The following ANK3 variants were observed in gnomAD, a reference collection of about 807,000 sequenced individuals.
ANK3 encodes ankyrin-3.
In ANK3, 57 loss-of-function variants were observed where a neutral mutation model predicts 370.9. That is an observed-to-expected ratio of 0.15 (90% CI 0.12 to 0.19). The LOEUF (loss-of-function observed/expected upper bound fraction) is 0.19. Among genes scored for constraint, ANK3 ranks in the 10% least tolerant of loss-of-function variants. The pLI, the probability that ANK3 is intolerant of heterozygous loss-of-function variation, is 1.00. For missense variants in ANK3, 4,439 were observed against 5,302.1 expected (o/e 0.84, Z 5.06); for synonymous variants, 1,929 against 1,946.3 (o/e 0.99, Z 0.23).
At chr10:60,164,213 G>A (rs951848614) in intron 23 of ANK3, among the ~76,000 whole-genome samples, 1 of 152,158 alleles carries the variant, frequency 6.6e-6, no homozygotes, top group Non-Finnish European at 1.5e-5. Context: ...TGGCTTACTA[G>A]AGCTCTTGTA....
intron 1 of ANK3, among the ~76,000 whole-genome samples, chr10:60,317,699 C>A (rs1221497701): frequency 6.7e-6 from 1 of 149,048 alleles, no homozygotes; most frequent in African/African-American, 2.5e-5. Context: ...CAAACATCAA[C>A]TCATGAGATA....
At chr10:60,431,868 C>G (rs2132979975) in intron 2 of ANK3, among the ~76,000 whole-genome samples, 1 of 152,314 alleles carries the variant, frequency 6.6e-6, no homozygotes, top group East Asian at 1.9e-4. Context: ...TACATCTAAA[C>G]AATTCTTCGT....
intron 35 of ANK3, 185 bp downstream of exon 35, chr10:60,081,965 G>A: frequency 2.3e-6 from 1 of 432,472 alleles, no homozygotes; most frequent in Non-Finnish European, 4.1e-6. Context: ...ATATATTTAA[G>A]TACTCTTAAG....
intron 2 of ANK3, among the ~76,000 whole-genome samples, chr10:60,585,250 C>T (rs1034809327): frequency 1.3e-5 from 2 of 152,128 alleles, no homozygotes; most frequent in African/African-American, 4.8e-5. Flanking sequence ...GTAAACCTGG[C>T]CTGCAGTAAC....
chr10:60,303,583 A>T (rs2044298128), intron 1 of ANK3, among the ~76,000 whole-genome samples: 1 of 152,280 alleles, frequency 6.6e-6, no homozygotes, highest in East Asian at 1.9e-4. Flanking sequence ...AAAAAACAAC[A>T]GATAATAAGT....
At chr10:60,326,823 C>A (rs992657977) in intron 1 of ANK3, among the ~76,000 whole-genome samples, 1 of 152,242 alleles carries the variant, frequency 6.6e-6, no homozygotes, top group East Asian at 1.9e-4. Flanking sequence ...CTATCGAGAC[C>A]ATCCTGGCTA....
chr10:60,576,961 A>C (rs2077689988), intron 2 of ANK3, among the ~76,000 whole-genome samples: 1 of 152,226 alleles, frequency 6.6e-6, no homozygotes, highest in Non-Finnish European at 1.5e-5. Context: ...GTTAGCAGTG[A>C]AATTTGAGAT....
In ANK3 at chr10:60,069,813, CGCTGGTCGGGAT is replaced by C. The variant is rs2082365189; in HGVS notation, c.11056_11067del (p.Ile3686_Ser3689del). ...CTGGATGTGCCTTCCTGACACTCTC[CGCTGGTCGGGAT>C]GCTGGGGTTAGGTTCCACTGTAGGT... On this transcript the variant is annotated inframe_deletion, in exon 37 of 44. Transcript: ENST00000280772. 6.2e-7 allele frequency: 1 copy of C among 1,614,108 alleles called. No homozygotes were observed. The highest frequency in any genetic ancestry group is 8.5e-7 in the Non-Finnish European group (1 of 1,180,028).
In ANK3 at chr10:60,495,702, G is replaced by A. The variant is rs1002882739; in HGVS notation, c.96+119484C>T. On this transcript the variant is annotated intron_variant, in intron 2 of 43. Coordinates refer to the ANK3 transcript ENST00000373827. The stretch of plus-strand genomic sequence containing the variant: ...AGACAGAAATTTCTGTGATCCTACT[G>A]CACATTCTAGCATATAGGGTAGAGG... Among the ~76,000 whole-genome samples, 4 of 152,204 alleles carry A rather than the reference G, an allele frequency of 2.6e-5. No individual in the cohort carries two copies. The East Asian group carries it at 5.8e-4, about 22-fold the overall frequency.
chr10:60,506,665 G>C (rs1240945657), intron 2 of ANK3, among the ~76,000 whole-genome samples: 1 of 152,082 alleles, frequency 6.6e-6, no homozygotes, highest in African/African-American at 2.4e-5. Flanking sequence ...TTTGAAACTA[G>C]TAGTATGATG....
chr10:60,709,632 C>A (rs1467198452), intron 1 of ANK3, among the ~76,000 whole-genome samples: 2 of 151,928 alleles, frequency 1.3e-5, no homozygotes, highest in African/African-American at 4.8e-5. Flanking sequence ...TGAGACCAGC[C>A]TGGGCAACAT....
At chr10:60,138,174 G>A (rs554098332) in intron 24 of ANK3, among the ~76,000 whole-genome samples, 182 of 152,294 alleles carry the variant, frequency 1.2e-3, no homozygotes, top group African/African-American at 3.8e-3. Context: ...ATTAGACAAT[G>A]AAACTTTCTA....
chr10:60,362,521 A>G (rs2058763416), intron 1 of ANK3, among the ~76,000 whole-genome samples: 2 of 152,208 alleles, frequency 1.3e-5, no homozygotes, highest in South Asian at 2.1e-4. Flanking sequence ...AAATGAGAAT[A>G]CTTCTATCGC....
intron 1 of ANK3, among the ~76,000 whole-genome samples, chr10:60,650,966 C>T (rs1002238872): frequency 1.3e-5 from 2 of 152,082 alleles, no homozygotes; most frequent in Non-Finnish European, 2.9e-5. Context: ...TGTGGTGGCA[C>T]ACACCTGTAG....
chr10:60,489,454 A>G (rs2075435562), intron 2 of ANK3, among the ~76,000 whole-genome samples: 1 of 152,206 alleles, frequency 6.6e-6, no homozygotes, highest in Non-Finnish European at 1.5e-5. Flanking sequence ...TCATTTTAGA[A>G]ACACAAAAAG....
intron 24 of ANK3, among the ~76,000 whole-genome samples, chr10:60,135,224 T>C (rs1208491191): frequency 6.6e-6 from 1 of 152,212 alleles, no homozygotes; most frequent in Non-Finnish European, 1.5e-5. Context: ...GAAGCTAATC[T>C]GAGTCTTCAC....
At chr10:60,582,474 G>C (rs1054191951) in intron 2 of ANK3, among the ~76,000 whole-genome samples, 1 of 151,766 alleles carries the variant, frequency 6.6e-6, no homozygotes, top group African/African-American at 2.4e-5. Context: ...TCCCAATCCA[G>C]TTTGACAAAT....
chr10:60,105,399 A>C (rs146581382), intron 28 of ANK3, among the ~76,000 whole-genome samples: 1 of 152,292 alleles, frequency 6.6e-6, no homozygotes, highest in African/African-American at 2.4e-5. Flanking sequence ...GAGACATTGA[A>C]ACAACACAGA....
intron 42 of ANK3, chr10:60,044,840 T>C (rs562390117): frequency 6.6e-6 from 1 of 152,324 alleles, no homozygotes; most frequent in South Asian, 2.1e-4. Flanking sequence ...TCACTAAAGA[T>C]AATACACACA....
Sources: gnomAD v4.1 joint callset for allele counts (sites outside exome capture counted in the v4.1 genomes callset) on GRCh38, gnomAD v4.1.1 for gene constraint, MANE v1.5 for transcripts, NCBI Gene and HGNC (gene_info 2026-07-23, HGNC 2026-07-21) for gene names.